Variants in DMKN observed in about 807,000 individuals in gnomAD.
The protein encoded by DMKN is dermokine, also known as epidermis-specific secreted protein SK30/SK89.
Under a neutral mutation model 67.6 loss-of-function variants are expected in DMKN, and 58 were observed. The observed-to-expected ratio is 0.86, with a 90% CI of 0.69 to 1.07. The LOEUF is 1.07. Among genes scored for constraint, DMKN ranks in the 50% least tolerant of loss-of-function variants. DMKN has a pLI of 0.00. For missense variants in DMKN, 596 were observed against 601.5 expected, an observed-to-expected ratio of 0.99 and a Z score of 0.10; for synonymous variants, 240 against 232.3, an observed-to-expected ratio of 1.03 and a Z score of -0.30.
In DMKN at chr19:35,513,385, T is replaced by C; in HGVS notation, c.91A>G (p.Thr31Ala). 6.2e-7 allele frequency: 1 copy of C among 1,611,188 alleles called. No individual in the cohort carries two copies. ...AGGGCCTCCCCAATATTTGTCCCAG[T>C]GCTTTCCTCTCCGCTCTGCAGGGGG... ...AGPLQSGEES[T>A]GTNIGEALGH... Residue 31 changes from threonine (T) to alanine (A), a missense_variant, in exon 1 of 16, where the codon ACT becomes GCT. Transcript: ENST00000339686.
rs779927974 is a variant in DMKN, at chr19:35,501,761, G to C, written c.1239+375C>G. ...CCTCAGCTGTCCTCCCCATGCCGCA[G>C]CCTAGGCCCCTTCTTCCCCTCAATA... On this transcript the variant is annotated intron_variant, in intron 11 of 15. Transcript: ENST00000339686. 50 of 1,485,586 alleles carry C rather than the reference G, an allele frequency of 3.4e-5. No individual in the cohort carries two copies. The African/African-American group carries it at 6.3e-4, about 19-fold the overall frequency. 92.0% of individuals were successfully genotyped at this position (1,485,586 alleles called of 1,614,324 possible).
chr19:35,507,945 T>G, intron 7 of DMKN: 1 of 485,112 alleles, frequency 2.1e-6, no homozygotes, highest in Admixed American at 3.7e-5. Flanking sequence ...AGATGCTAGC[T>G]GGAGAGCCAG....
At chr19:35,509,082 G>A (rs2070186824) in intron 7 of DMKN, among the ~76,000 whole-genome samples, 1 of 151,984 alleles carries the variant, frequency 6.6e-6, no homozygotes, top group African/African-American at 2.4e-5. Context: ...TTAGCCAGAG[G>A]TGGTGGCTGG....
At chr19:35,501,755 G>T in intron 11 of DMKN, 2 of 1,455,372 alleles carry the variant, frequency 1.4e-6, no homozygotes. Flanking sequence ...TCCTCCCCAT[G>T]CCGCAGCCTA....
intron 3 of DMKN, among the ~76,000 whole-genome samples, 180 bp from the exon 4 acceptor site, chr19:35,511,993 CTTTTTTTT>C (rs11285451): frequency 8.8e-6 from 1 of 113,066 alleles, no homozygotes; most frequent in African/African-American, 3.8e-5. Flanking sequence ...TCTCTTCCTC[CTTTTTTTT>C]TTTTTTTTTT....
rs745567998 is a variant in DMKN at position 35,498,728 on chromosome 19, C to G, written c.1419G>C (p.Val473=). The G allele has an allele frequency of 2.5e-6, 4 of 1,614,150 alleles. No individual in the cohort carries two copies. In the East Asian group the frequency reaches 8.9e-5, roughly 36 times the overall value. The change falls in exon 15 of 16, where the codon GTG becomes GTC. Residue 473 remains valine, a synonymous_variant. Transcript: ENST00000339686. ...SRVQPGLLQW[V]KFW ...CTCTGACACTCACCTACCAAAACTT[C>G]ACCCACTGCAGCAGGCCAGGTTGCA...
chr19:35,511,985 T>C (rs995180052), intron 3 of DMKN, among the ~76,000 whole-genome samples, 172 bp from the exon 4 acceptor site: 3 of 147,238 alleles, frequency 2.0e-5, no homozygotes, highest in African/African-American at 7.6e-5. Flanking sequence ...CAGGCCCGTC[T>C]CTTCCTCCTT....
chr19:35,505,670 T>C, intron 9 of DMKN, 48 bp downstream of exon 9: 2 of 1,612,576 alleles, frequency 1.2e-6, no homozygotes, highest in Non-Finnish European at 1.7e-6. Context: ...AGCGGAGGTT[T>C]AGCTTTCTTC....
intron 7 of DMKN, chr19:35,509,562 A>C (rs970268526): frequency 2.0e-5 from 4 of 204,856 alleles, no homozygotes; most frequent in Admixed American, 1.1e-4. Flanking sequence ...AACTGGGGGG[A>C]ATGTTTTTCC....
At chr19:35,506,148 G>A (rs934645410) in intron 7 of DMKN, 162 bp from the exon 8 acceptor site, 1 of 1,555,712 alleles carries the variant, frequency 6.4e-7, no homozygotes, top group African/African-American at 1.4e-5. Flanking sequence ...TCCACCAACA[G>A]CGTCACCTCC....
rs2070580376 is a variant in DMKN, at chr19:35,510,614, G to A, written c.919-362C>T. ...CCCTCACCTGGGAGCGGCCGTAGCT[G>A]CCTTGGTCACCATTCCCAGAACTGC... is the stretch of plus-strand genomic sequence containing the variant. On this transcript the variant is annotated intron_variant, in intron 5 of 15. Coordinates refer to ENST00000339686, the MANE Select transcript of DMKN (RefSeq NM_033317.5). 2.8e-6 allele frequency: 4 copies of A among 1,434,784 alleles called. 1 individual carries two copies. The highest frequency in any genetic ancestry group is 2.8e-5 in the South Asian group (2 of 72,060). The allele number at this position is 1,434,784 out of a possible 1,614,324, so 88.9% of individuals were successfully genotyped here.
chr19:35,511,870 C>T (rs995458758), intron 3 of DMKN, 57 bp from the exon 4 acceptor site: 21 of 1,554,292 alleles, frequency 1.4e-5, no homozygotes, highest in East Asian at 1.2e-4. Context: ...ACGTTGGCCT[C>T]GGCCATGGAC....
At position 35,511,491 on chromosome 19, in the gene DMKN, C is replaced by CGCCACTGCTGCTGCCACTGCTGCT. The variant is rs770768487; in HGVS notation, c.814_837dup (p.Ser272_Gly279dup). The stretch of plus-strand genomic sequence containing the variant: ...CCACCACTGCTGCCGCCACTGCTGC[C>CGCCACTGCTGCTGCCACTGCTGCT]GCCACTGCTGCTGCCACTGCTGCTG... On this transcript the variant is annotated inframe_insertion, in exon 5 of 16. Transcript: ENST00000339686. 1,203 of 1,127,968 alleles carry CGCCACTGCTGCTGCCACTGCTGCT rather than the reference C, an allele frequency of 1.1e-3. 8 individuals carry two copies. In the African/African-American group the frequency reaches 0.025, roughly 23 times the overall value. 69.9% of individuals were successfully genotyped at this position (1,127,968 alleles called of 1,614,324 possible). A position where few individuals can be genotyped will look rare whatever the true frequency, so the allele number is the denominator to read the frequency against.
intron 7 of DMKN, among the ~76,000 whole-genome samples, chr19:35,508,875 G>A (rs1305771219): frequency 1.3e-5 from 2 of 152,120 alleles, no homozygotes; most frequent in African/African-American, 4.8e-5. Context: ...TAGAGGAAAA[G>A]ATGGCTGCTT....
chr19:35,497,839 C>T (rs901317773), intron 15 of DMKN: 2 of 152,454 alleles, frequency 1.3e-5, no homozygotes, highest in African/African-American at 4.8e-5. Flanking sequence ...TCTAGAACAC[C>T]ATCTTCTCAG....
intron 6 of DMKN, 93 bp from the exon 7 acceptor site, chr19:35,510,054 G>A: frequency 6.3e-7 from 1 of 1,580,446 alleles, no homozygotes; most frequent in Non-Finnish European, 8.6e-7. Context: ...GGGGCGAGCC[G>A]CTTCCGCTCC....
At chr19:35,505,881 C>A in intron 8 of DMKN, 58 bp downstream of exon 8, 4 of 1,613,966 alleles carry the variant, frequency 2.5e-6, no homozygotes, top group Non-Finnish European at 1.7e-6. Context: ...ACTGTGGGGC[C>A]AAGGGCAGGG....
Position 35,513,168 on chromosome 19 carries a change from G to T in DMKN, c.308C>A (p.Ala103Asp), listed in dbSNP as rs1370270887. ...DALGNRVGEA[A>D]HALGNTGHEI... ...GTGCCCAGTGTTTCCCAGAGCATGG[G>T]CTGCTTCCCCGACCCTGTTGCCCAA... The change falls in exon 1 of 16, where the codon GCC (alanine) becomes GAC (aspartate). Residue 103 changes from alanine to aspartate, a missense_variant. Transcript: ENST00000339686. The T allele has an allele frequency of 6.2e-7, 1 of 1,614,082 alleles. No individual in the cohort carries two copies. Among genetic ancestry groups the T allele is most frequent in the Non-Finnish European group, 8.5e-7 (1 of 1,180,040 alleles).
At position 35,498,488 on chromosome 19, in the gene DMKN, C is replaced by T. The variant is rs948356291; in HGVS notation, c.*228G>A. ...CCTCCCAAAGCACAGAGATTACAGG[C>T]ATGAGCCACTGCACCCAGCCCTAGA... On this transcript the variant is annotated intron_variant, in intron 15 of 15. Transcript: ENST00000339686. 10 of 612,794 alleles carry T rather than the reference C, an allele frequency of 1.6e-5. No homozygotes were observed. The African/African-American group carries it at 1.7e-4, about 10-fold the overall frequency. 38.0% of individuals were successfully genotyped at this position (612,794 alleles called of 1,614,324 possible).
Sources: allele counts gnomAD v4.1 joint callset (sites outside exome capture counted in the v4.1 genomes callset), GRCh38; gene constraint gnomAD v4.1.1; transcripts MANE v1.5; gene names NCBI Gene and HGNC (gene_info 2026-07-23, HGNC 2026-07-21).